ROBO2: variants seen among roughly 807,000 people sequenced by gnomAD.
ROBO2 encodes roundabout guidance receptor 2, also known as roundabout homolog 2.
Under a neutral mutation model 160.8 loss-of-function variants are expected in ROBO2, and 53 were observed. The ratio of observed to expected loss-of-function variants is 0.33; its 90% CI spans 0.26 to 0.41. The LOEUF is 0.41. Among genes scored for constraint, ROBO2 ranks in the 10% least tolerant of loss-of-function variants. ROBO2 has a pLI of 1.00. For synonymous variants in ROBO2, 664 were observed against 611.7 expected (o/e 1.09, Z -1.26); for missense variants, 1,577 against 1,722.4 (o/e 0.92, Z 1.49).
At chr3:77,239,228 T>A (rs1370203520) in intron 2 of ROBO2, among the ~76,000 whole-genome samples, 1 of 152,060 alleles carries the variant, frequency 6.6e-6, no homozygotes, top group Admixed American at 6.6e-5. Context: ...CTTCCTTCTG[T>A]TGGGTTCGTG....
chr3:77,126,003 C>T (rs187814422), intron 2 of ROBO2, among the ~76,000 whole-genome samples: 71 of 152,252 alleles, frequency 4.7e-4, no homozygotes, highest in African/African-American at 1.6e-3. Context: ...CAGCTCCCAG[C>T]GATTGCACAC....
chr3:75,973,694 T>C (rs2065056247), intron 2 of ROBO2, among the ~76,000 whole-genome samples: 1 of 151,606 alleles, frequency 6.6e-6, no homozygotes, highest in Non-Finnish European at 1.5e-5. Flanking sequence ...AGAAAGAATG[T>C]TAAGTTTGAT....
In ROBO2 at chr3:76,144,971, G is replaced by A. The variant is rs567887742; in HGVS notation, c.109+207369G>A. ...AAAATGACCTTGTCATACAGCTGTG[G>A]CTTAAAAAAAAAAGCATTGTCTACT... On this transcript the variant is annotated intron_variant, in intron 2 of 26. Transcript: ENST00000487694. Among the ~76,000 whole-genome samples the A allele has an allele frequency of 7.9e-5, 12 of 151,362 alleles. No individual in the cohort carries two copies. In the East Asian group the frequency reaches 2.3e-3, roughly 30 times the overall value.
intron 6 of ROBO2, among the ~76,000 whole-genome samples, chr3:77,539,382 A>C (rs924709832): frequency 6.6e-6 from 1 of 152,188 alleles, no homozygotes; most frequent in Non-Finnish European, 1.5e-5. Flanking sequence ...AGAATCGGTT[A>C]GATTTGTATT....
chr3:76,402,713 A>G (rs1376697159), intron 2 of ROBO2, among the ~76,000 whole-genome samples: 2 of 150,614 alleles, frequency 1.3e-5, no homozygotes, highest in Non-Finnish European at 3.0e-5. Context: ...AAGCTGCAAC[A>G]CTTCTATTCT....
chr3:77,132,514 A>T (rs1032473622), intron 2 of ROBO2, among the ~76,000 whole-genome samples: 4 of 152,126 alleles, frequency 2.6e-5, no homozygotes, highest in Admixed American at 2.0e-4. Context: ...TTTATACCAC[A>T]AGGAAGGTCC....
chr3:76,812,839 G>T lies in ROBO2; in HGVS notation c.110-285175G>T, dbSNP rs542790058. On this transcript the variant is annotated intron_variant, in intron 2 of 26. Coordinates refer to the ROBO2 transcript ENST00000487694. ...AAATTTTCTCACAAGTGTTATTAAT[G>T]GCATGAACAGAAATCCAATTAAATG... Among the ~76,000 whole-genome samples the T allele has an allele frequency of 4.6e-4, 69 of 150,304 alleles. 1 individual carries two copies. In the South Asian group the frequency reaches 0.014, roughly 30 times the overall value.
chr3:76,061,086 ATTC>A (rs144116653), intron 2 of ROBO2, among the ~76,000 whole-genome samples: 3,881 of 152,262 alleles, frequency 0.025, 185 homozygotes, highest in African/African-American at 0.088. Flanking sequence ...TATTTATGTT[ATTC>A]TTCTTTATAA....
At chr3:76,833,201 A>G (rs1212484497) in intron 2 of ROBO2, among the ~76,000 whole-genome samples, 1 of 152,158 alleles carries the variant, frequency 6.6e-6, no homozygotes, top group Admixed American at 6.6e-5. Context: ...AACAAAGGAG[A>G]GGGTTTCAAA....
At chr3:77,242,258 T>C (rs2089155723) in intron 2 of ROBO2, among the ~76,000 whole-genome samples, 1 of 152,184 alleles carries the variant, frequency 6.6e-6, no homozygotes, top group Admixed American at 6.5e-5. Flanking sequence ...ATCATGGCTT[T>C]TGGCTGAAGA....
chr3:76,746,130 A>G (rs1436405812), intron 2 of ROBO2, among the ~76,000 whole-genome samples: 1 of 151,504 alleles, frequency 6.6e-6, no homozygotes, highest in East Asian at 1.9e-4. Flanking sequence ...GATGATTTCC[A>G]ATTTCATCCA....
chr3:76,332,504 T>C (rs956140998), intron 2 of ROBO2, among the ~76,000 whole-genome samples: 2 of 152,212 alleles, frequency 1.3e-5, no homozygotes, highest in East Asian at 3.8e-4. Context: ...ACTCGTAGAT[T>C]CAAGTTAATC....
At chr3:76,043,223 G>A (rs928731397) in intron 2 of ROBO2, among the ~76,000 whole-genome samples, 6 of 150,686 alleles carry the variant, frequency 4.0e-5, no homozygotes, top group African/African-American at 1.5e-4. Flanking sequence ...CATCCCTTAC[G>A]TGTAAGAACA....
chr3:75,950,161 C>A (rs1037762460), intron 2 of ROBO2, among the ~76,000 whole-genome samples: 8 of 151,846 alleles, frequency 5.3e-5, no homozygotes, highest in African/African-American at 1.9e-4. Context: ...ATTGGTGGTA[C>A]CCTTTGTAAA....
At chr3:77,040,532 A>C in exon 1 of ROBO2, 7 of 1,365,234 alleles carry the variant, frequency 5.1e-6, no homozygotes, top group Admixed American at 3.1e-5. Flanking sequence ...ATTTGTGGGA[A>C]TTTAGGAAGC....
intron 2 of ROBO2, among the ~76,000 whole-genome samples, chr3:76,583,001 T>A: frequency 1.3e-5 from 2 of 148,784 alleles, no homozygotes; most frequent in Non-Finnish European, 1.5e-5. Flanking sequence ...GTTTCCTTGG[T>A]GTGTGTTTAA....
At chr3:76,496,824 C>T (rs993384588) in intron 2 of ROBO2, among the ~76,000 whole-genome samples, 1 of 152,200 alleles carries the variant, frequency 6.6e-6, no homozygotes, top group Non-Finnish European at 1.5e-5. Context: ...TTCTCATCAA[C>T]CATACTATTA....
At chr3:76,980,842 C>T (rs540686250) in intron 2 of ROBO2, among the ~76,000 whole-genome samples, 66 of 152,262 alleles carry the variant, frequency 4.3e-4, no homozygotes, top group Admixed American at 1.0e-3. Context: ...CCCTAATCCT[C>T]TCTCCCTCCC....
chr3:76,199,747 A>T, intron 2 of ROBO2, among the ~76,000 whole-genome samples: 1 of 152,156 alleles, frequency 6.6e-6, no homozygotes, highest in East Asian at 1.9e-4. Flanking sequence ...TTTAGGACCA[A>T]CCAGAGAAAG....
Sources: gnomAD v4.1 joint callset for allele counts (sites outside exome capture counted in the v4.1 genomes callset) on GRCh38, gnomAD v4.1.1 for gene constraint, MANE v1.5 for transcripts, NCBI Gene and HGNC (gene_info 2026-07-23, HGNC 2026-07-21) for gene names.